Variants in UGT1A9 observed in about 807,000 individuals in gnomAD.
UGT1A9 encodes UDP-glucuronosyltransferase 1A9.
Under a neutral mutation model 45.0 loss-of-function variants are expected in UGT1A9, and 35 were observed. The observed-to-expected ratio is 0.78, with a 90% CI of 0.59 to 1.03. The LOEUF (loss-of-function observed/expected upper bound fraction) is 1.03, where lower values mean the gene tolerates loss of function less well. Ranked by LOEUF, UGT1A9 falls within the 50% of genes least tolerant of loss-of-function variation. UGT1A9 has a pLI of 0.00. For missense variants in UGT1A9, 687 were observed against 666.6 expected (o/e 1.03, Z -0.34); for synonymous variants, 278 against 250.6 (o/e 1.11, Z -1.03).
At chr2:233,713,112 TG>T (rs2076279205) in intron 1 of UGT1A9, 13 of 1,614,212 alleles carry the variant, frequency 8.1e-6, no homozygotes, top group Non-Finnish European at 1.1e-5. Context: ...TGGCAGCCAC[TG>T]GCTCAGCATG....
intron 1 of UGT1A9, among the ~76,000 whole-genome samples, chr2:233,727,122 G>A (rs188097836): frequency 6.6e-6 from 1 of 152,290 alleles, no homozygotes; most frequent in Non-Finnish European, 1.5e-5. Context: ...TGTGAGATTG[G>A]CAGAGGGGAA....
intron 1 of UGT1A9, among the ~76,000 whole-genome samples, chr2:233,728,172 A>G (rs1397087886): frequency 6.6e-6 from 1 of 152,220 alleles, no homozygotes; most frequent in Admixed American, 6.5e-5. Context: ...TGGAGGAACC[A>G]TTCTTATCAG....
At chr2:233,700,791 A>C (rs1037537460) in intron 1 of UGT1A9, among the ~76,000 whole-genome samples, 1 of 152,118 alleles carries the variant, frequency 6.6e-6, no homozygotes, top group Non-Finnish European at 1.5e-5. Context: ...TTACATATGT[A>C]TACATGTGCC....
chr2:233,752,703 T>C (rs538720487), intron 1 of UGT1A9, among the ~76,000 whole-genome samples: 5 of 152,298 alleles, frequency 3.3e-5, no homozygotes, highest in African/African-American at 7.2e-5. Context: ...TAGTGGGGTA[T>C]GATCTTGCCT....
intron 1 of UGT1A9, chr2:233,713,795 G>A (rs371219022): frequency 4.3e-5 from 69 of 1,614,024 alleles, no homozygotes; most frequent in African/African-American, 1.5e-4. Flanking sequence ...ACCCCAGGCC[G>A]ATCATGCCCA....
At chr2:233,738,690 T>C (rs1178120168) in intron 1 of UGT1A9, among the ~76,000 whole-genome samples, 2 of 152,174 alleles carry the variant, frequency 1.3e-5, no homozygotes, top group African/African-American at 2.4e-5. Flanking sequence ...TTGGAACTTA[T>C]GTTTAAAAGG....
chr2:233,739,435 C>A (rs1691098956), intron 1 of UGT1A9, among the ~76,000 whole-genome samples: 1 of 152,206 alleles, frequency 6.6e-6, no homozygotes, highest in Admixed American at 6.5e-5. Flanking sequence ...GAGGGCTTTA[C>A]CCTGCAAAGC....
chr2:233,713,192 G>A, intron 1 of UGT1A9: 1 of 1,614,232 alleles, frequency 6.2e-7, no homozygotes. Flanking sequence ...AGGTGAATAT[G>A]TACATCAAAG....
intron 1 of UGT1A9, among the ~76,000 whole-genome samples, chr2:233,689,353 T>C (rs1181537537): frequency 6.6e-6 from 1 of 152,248 alleles, no homozygotes; most frequent in Non-Finnish European, 1.5e-5. Context: ...AAGGAAGGCA[T>C]TTATGTGCAG....
intron 1 of UGT1A9, chr2:233,692,897 G>T (rs2075119141): frequency 5.2e-6 from 8 of 1,538,902 alleles, no homozygotes. Flanking sequence ...GGGAGAGGTA[G>T]ACAGGACCTG....
chr2:233,721,978 G>A (rs543425926), intron 1 of UGT1A9: 60 of 269,454 alleles, frequency 2.2e-4, no homozygotes, highest in South Asian at 1.8e-3. Context: ...GATGGCCTGG[G>A]TAGTTTCACG....
At chr2:233,693,870 G>A in intron 1 of UGT1A9, 1 of 1,614,164 alleles carries the variant, frequency 6.2e-7, no homozygotes, top group Non-Finnish European at 8.5e-7. Flanking sequence ...TCTCAGGTTG[G>A]TGGGTTTATT....
At chr2:233,766,162 G>A (rs1699058269) in intron 1 of UGT1A9, among the ~76,000 whole-genome samples, 1 of 152,198 alleles carries the variant, frequency 6.6e-6, no homozygotes, top group Non-Finnish European at 1.5e-5. Context: ...TGGAGAATGA[G>A]TGCAAGGATT....
At chr2:233,763,150 C>G (rs1298092077) in intron 1 of UGT1A9, among the ~76,000 whole-genome samples, 1 of 152,214 alleles carries the variant, frequency 6.6e-6, no homozygotes, top group Non-Finnish European at 1.5e-5. Context: ...CCATAAAAGT[C>G]TAAGTGGTGA....
rs1485888079 is a variant in UGT1A9 at position 233,751,702 on chromosome 2, C to A, written c.856-15332C>A. On this transcript the variant is annotated intron_variant, in intron 1 of 4. Coordinates refer to ENST00000354728, the MANE Select transcript of UGT1A9 (RefSeq NM_021027.3). ...GCTGATGGTTTTATAAGGGGCTCTT[C>A]CTCCTTCACTCACAAGTGAACTCTT... is the stretch of plus-strand genomic sequence containing the variant. Among the ~76,000 whole-genome samples, 4 of 152,152 alleles carry A rather than the reference C, an allele frequency of 2.6e-5. No individual in the cohort carries two copies. In the South Asian group the frequency reaches 8.3e-4, roughly 32 times the overall value.
intron 1 of UGT1A9, among the ~76,000 whole-genome samples, chr2:233,726,819 C>T (rs181866502): frequency 3.3e-5 from 5 of 152,224 alleles, no homozygotes; most frequent in Admixed American, 6.5e-5. Context: ...TTCCTCTATT[C>T]GACCATTTAA....
At chr2:233,722,254 C>T (rs12479208) in intron 1 of UGT1A9, among the ~76,000 whole-genome samples, 12,149 of 152,210 alleles carry the variant, frequency 0.08, 621 homozygotes, top group East Asian at 0.2. Flanking sequence ...GTGACAGACA[C>T]GCCATTATCA....
intron 1 of UGT1A9, among the ~76,000 whole-genome samples, chr2:233,673,196 C>A (rs983904286): frequency 6.6e-6 from 1 of 152,142 alleles, no homozygotes; most frequent in Non-Finnish European, 1.5e-5. Flanking sequence ...TGTAAATTCT[C>A]ACACCTATTT....
At chr2:233,731,724 G>T (rs2078197390) in intron 1 of UGT1A9, among the ~76,000 whole-genome samples, 1 of 152,166 alleles carries the variant, frequency 6.6e-6, no homozygotes, top group Non-Finnish European at 1.5e-5. Context: ...TTGCTATTGT[G>T]AATAGTGCCA....
Sources: allele counts gnomAD v4.1 joint callset (sites outside exome capture counted in the v4.1 genomes callset), GRCh38; gene constraint gnomAD v4.1.1; transcripts MANE v1.5; gene names NCBI Gene and HGNC (gene_info 2026-07-23, HGNC 2026-07-21).